Variants in COPA observed in about 807,000 individuals in gnomAD.
COPA encodes coat protein complex I subunit alpha.
COPA carries 10 observed loss-of-function variants against 158.7 expected under a neutral mutation model. The ratio of observed to expected loss-of-function variants is 0.06; its 90% confidence interval spans 0.04 to 0.11. The LOEUF (loss-of-function observed/expected upper bound fraction) is 0.11. Ranked by LOEUF, COPA falls within the 10% of genes least tolerant of loss-of-function variation. COPA has a pLI of 1.00. For missense variants in COPA, 1,065 were observed against 1,536.7 expected, an observed-to-expected ratio of 0.69 and a Z score of 5.13; for synonymous variants, 462 against 542.8, an observed-to-expected ratio of 0.85 and a Z score of 2.07.
rs964022038 is a variant in COPA, at chr1:160,289,993, A to G, written c.*164T>C. On this transcript the variant is annotated 3_prime_UTR_variant, in exon 33 of 33. Transcript: ENST00000241704. ...AGAAGACCTCAAAAAAGTCAAGTTT[A>G]GACCTTCGGATTTTCCATAGAAGAG... The G allele has an allele frequency of 2.9e-6, 2 of 682,112 alleles. No homozygotes were observed. The highest frequency in any genetic ancestry group is 3.6e-5 in the African/African-American group (2 of 55,236). 42.3% of individuals were successfully genotyped at this position (682,112 alleles called of 1,614,324 possible). A position where few individuals can be genotyped will look rare whatever the true frequency, so the allele number is the denominator to read the frequency against.
At chr1:160,305,980 C>T (rs903337201) in intron 15 of COPA, 2 of 598,292 alleles carry the variant, frequency 3.3e-6, no homozygotes, top group South Asian at 4.1e-5. Flanking sequence ...CTTCCTCAAC[C>T]CCCTCTCCCT....
At chr1:160,318,492 C>CAAAAAAAAAAAAAAAAAAAAAA (rs1184111001) in intron 8 of COPA, among the ~76,000 whole-genome samples, 1 of 58,082 alleles carries the variant, frequency 1.7e-5, no homozygotes, top group African/African-American at 1.0e-4. Context: ...AAAAAAAAAA[C>CAAAAAAAAAAAAAAAAAAAAAA]AAAAAAAAAA....
At chr1:160,340,536 T>C (rs570604525) in intron 1 of COPA, among the ~76,000 whole-genome samples, 54 of 152,350 alleles carry the variant, frequency 3.5e-4, no homozygotes, top group African/African-American at 1.3e-3. Flanking sequence ...TGGAATCAGT[T>C]GATCCTTTCA....
At chr1:160,341,386 C>G (rs1010142374) in intron 1 of COPA, among the ~76,000 whole-genome samples, 3 of 152,190 alleles carry the variant, frequency 2.0e-5, no homozygotes, top group African/African-American at 7.2e-5. Context: ...CTACAAGGGA[C>G]AAATGTACTA....
chr1:160,321,811 T>C (rs1571172927), intron 8 of COPA, among the ~76,000 whole-genome samples: 1 of 151,944 alleles, frequency 6.6e-6, no homozygotes, highest in African/African-American at 2.4e-5. Context: ...CATTTATATA[T>C]GCCAATAGTG....
At chr1:160,304,139 G>T (rs577304022) in intron 17 of COPA, among the ~76,000 whole-genome samples, 1 of 151,004 alleles carries the variant, frequency 6.6e-6, no homozygotes, top group Admixed American at 6.6e-5. Flanking sequence ...CTCAGCCTCC[G>T]GAGTAGCTGG....
chr1:160,309,041 A>G, intron 13 of COPA, 60 bp downstream of exon 13: 1 of 1,322,622 alleles, frequency 7.6e-7, no homozygotes, highest in South Asian at 1.2e-5. Flanking sequence ...CTTGAAGAGG[A>G]GTTATGATGC....
intron 8 of COPA, among the ~76,000 whole-genome samples, chr1:160,318,489 A>AAC (rs1659227745): frequency 3.0e-5 from 2 of 67,710 alleles, no homozygotes; most frequent in Non-Finnish European, 4.9e-5. Flanking sequence ...AAAAAAAAAA[A>AAC]AACAAAAAAA....
rs1017488629 is a variant in COPA, at chr1:160,318,470, AAAAAAAAAAAAAAAAAAAAAAC to A, written c.707-4367_707-4346del. On this transcript the variant is annotated intron_variant, in intron 8 of 32. Coordinates refer to ENST00000241704, the MANE Select transcript of COPA (RefSeq NM_004371.4). ...TTCATTAAAATAAACAATATTTGTA[AAAAAAAAAAAAAAAAAAAAAAC>A]AAAAAAAAAAAAAAAACACTAATGT... 6.6e-4 allele frequency among the ~76,000 whole-genome samples: 51 copies of A among 76,888 alleles called. 1 individual carries two copies. Among genetic ancestry groups the A allele is most frequent in the South Asian group, 3.0e-3 (6 of 1,968 alleles). 50.4% of individuals were successfully genotyped at this position (76,888 alleles called of 152,430 possible).
chr1:160,318,468 T>A (rs1424932098), intron 8 of COPA, among the ~76,000 whole-genome samples: 2 of 15,676 alleles, frequency 1.3e-4, no homozygotes, highest in Admixed American at 8.2e-4. Flanking sequence ...ACAATATTTG[T>A]AAAAAAAAAA....
In COPA at chr1:160,289,845, C is replaced by T. The variant is rs1274639942; in HGVS notation, c.*312G>A. The T allele has an allele frequency of 3.7e-5, 8 of 219,034 alleles. No homozygotes were observed. Among genetic ancestry groups the T allele is most frequent in the Non-Finnish European group, 6.3e-5 (7 of 111,270 alleles). The allele number at this position is 219,034 out of a possible 1,614,324, so 13.6% of individuals were successfully genotyped here. ...GCCTCAGATGATCTGCCCACCGTAG[C>T]CTCCCAAAGTGCTGGGATTACAGGT... On this transcript the variant is annotated 3_prime_UTR_variant, in exon 33 of 33. Coordinates refer to ENST00000241704, the MANE Select transcript of COPA (RefSeq NM_004371.4).
At position 160,293,242 on chromosome 1, in the gene COPA, G is replaced by C. The variant is rs1413682862; in HGVS notation, c.2755-8C>G. 6.2e-7 allele frequency: 1 copy of C among 1,613,822 alleles called. No homozygotes were observed. The highest frequency in any genetic ancestry group is 2.2e-5 in the East Asian group (1 of 44,876). On this transcript the variant is annotated splice_region_variant and splice_polypyrimidine_tract_variant and intron_variant, in intron 26 of 32. Coordinates refer to ENST00000241704, the MANE Select transcript of COPA (RefSeq NM_004371.4). Reference sequence around the variant, plus strand: ...AGAGTTATTACACCAGATCTAACAAGAAACAAAAAAACCCAAGCCAAGTGA... The same window carrying C: ...AGAGTTATTACACCAGATCTAACAACAAACAAAAAAACCCAAGCCAAGTGA...
At chr1:160,331,577 G>A (rs1315179456) in intron 6 of COPA, among the ~76,000 whole-genome samples, 1 of 151,112 alleles carries the variant, frequency 6.6e-6, no homozygotes, top group Non-Finnish European at 1.5e-5. Flanking sequence ...AATCCGGGAG[G>A]CAGAGGTTGT....
chr1:160,324,292 T>A (rs1050887452), intron 7 of COPA, among the ~76,000 whole-genome samples: 1 of 147,994 alleles, frequency 6.8e-6, no homozygotes, highest in Non-Finnish European at 1.5e-5. Context: ...ATTCTTTTTT[T>A]TTTTTTTTTT....
intron 4 of COPA, 77 bp downstream of exon 4, chr1:160,335,165 G>C: frequency 1.6e-6 from 2 of 1,285,196 alleles, no homozygotes; most frequent in Non-Finnish European, 1.1e-6. Context: ...TTAAAACATG[G>C]GTTCTCAAGG....
intron 22 of COPA, 61 bp from the exon 23 acceptor site, chr1:160,295,920 T>G (rs1658387373): frequency 6.3e-7 from 1 of 1,581,348 alleles, no homozygotes; most frequent in Admixed American, 1.8e-5. Flanking sequence ...GTAAGGAAAG[T>G]TATGGAGCCT....
At chr1:160,327,051 G>A (rs16831810) in intron 6 of COPA, among the ~76,000 whole-genome samples, 3,712 of 152,242 alleles carry the variant, frequency 0.024, 60 homozygotes, top group East Asian at 0.09. Flanking sequence ...ACTGGACTCT[G>A]ATAACAAACC....
At chr1:160,314,803 G>C (rs534430426) in intron 8 of COPA, among the ~76,000 whole-genome samples, 1 of 152,070 alleles carries the variant, frequency 6.6e-6, no homozygotes, top group African/African-American at 2.4e-5. Flanking sequence ...TCAGACAGGG[G>C]CCTTATCTGT....
intron 4 of COPA, among the ~76,000 whole-genome samples, chr1:160,334,858 G>A (rs905280748): frequency 2.0e-5 from 3 of 152,096 alleles, no homozygotes; most frequent in South Asian, 2.1e-4. Flanking sequence ...ACTTCGAAAC[G>A]TTTGTTAGCT....
Sources: allele counts gnomAD v4.1 joint callset (sites outside exome capture counted in the v4.1 genomes callset), GRCh38; gene constraint gnomAD v4.1.1; transcripts MANE v1.5; gene names NCBI Gene and HGNC (gene_info 2026-07-23, HGNC 2026-07-21).